FLOT2: variants seen among roughly 807,000 people sequenced by gnomAD.
The protein encoded by FLOT2 is flotillin 2.
Under a neutral mutation model 54.9 loss-of-function variants are expected in FLOT2, and 35 were observed. The observed-to-expected ratio is 0.64, with a 90% CI of 0.49 to 0.84. The LOEUF is 0.84. FLOT2 is among the 40% of genes least tolerant of loss of function. The pLI, the probability that FLOT2 is intolerant of heterozygous loss-of-function variation, is 0.00. For missense variants in FLOT2, 464 were observed against 572.1 expected (o/e 0.81, Z 1.93); for synonymous variants, 207 against 228.9 (o/e 0.90, Z 0.86).
chr17:28,888,022 G>A (rs41280138), intron 2 of FLOT2, among the ~76,000 whole-genome samples: 4 of 152,314 alleles, frequency 2.6e-5, no homozygotes, highest in South Asian at 4.1e-4. Context: ...AGCTGCTGAC[G>A]GGTGGGGGAT....
Position 28,882,862 on chromosome 17 carries a change from AGGCT to A in FLOT2, c.347-175_347-172del, listed in dbSNP as rs2039479764. 1 of 639,712 alleles carries A rather than the reference AGGCT, an allele frequency of 1.6e-6. No homozygotes were observed. Among genetic ancestry groups the A allele is most frequent in the African/African-American group, 1.8e-5 (1 of 54,780 alleles). 39.6% of individuals were successfully genotyped at this position (639,712 alleles called of 1,614,324 possible). A position where few individuals can be genotyped will look rare whatever the true frequency, so the allele number is the denominator to read the frequency against. The stretch of plus-strand genomic sequence containing the variant: ...CACCGAGCTTCCTGCTGCACAGTCC[AGGCT>A]GAATGAGGAAAAGTGTCCCAAGCAG... On this transcript the variant is annotated intron_variant, in intron 4 of 10. Transcript: ENST00000394908. This position sits in a 1 kb window ranked among gnomAD's most constrained non-coding sequence, Gnocchi z 5.6.
chr17:28,891,171 G>A (rs2039645318), intron 1 of FLOT2, among the ~76,000 whole-genome samples: 1 of 152,212 alleles, frequency 6.6e-6, no homozygotes, highest in Non-Finnish European at 1.5e-5. Flanking sequence ...ATGAGCCGCC[G>A]CGCCTGGCCG....
chr17:28,893,622 T>C (rs1371849232), intron 1 of FLOT2, among the ~76,000 whole-genome samples: 2 of 152,322 alleles, frequency 1.3e-5, no homozygotes, highest in African/African-American at 2.4e-5. Flanking sequence ...CCTCTCATAT[T>C]GTTTTATACT....
At chr17:28,886,472 G>A (rs1417166165) in intron 2 of FLOT2, among the ~76,000 whole-genome samples, 2 of 152,220 alleles carry the variant, frequency 1.3e-5, no homozygotes, top group African/African-American at 4.8e-5. Context: ...GGCCAGAAAA[G>A]CCCAAATGTT....
intron 1 of FLOT2, among the ~76,000 whole-genome samples, chr17:28,895,823 T>G (rs2152651186): frequency 6.6e-6 from 1 of 151,992 alleles, no homozygotes; most frequent in East Asian, 1.9e-4. Flanking sequence ...AGTTAGATAA[T>G]AAGAAAGGAT....
Position 28,882,145 on chromosome 17 carries a change from T to G in FLOT2, c.672A>C (p.Ser224=). 6.2e-7 allele frequency: 1 copy of G among 1,614,210 alleles called. No individual in the cohort carries two copies. Among genetic ancestry groups the G allele is most frequent in the Non-Finnish European group, 8.5e-7 (1 of 1,180,034 alleles). ...TGATGTTAACCTCCTCACTGAAGGC[T>G]GACTTTTGCAGCTCGAAGGCTCGCT... ...DSKRAFELQK[S]AFSEEVNIKT... is the part of the protein sequence containing the mutation. The change falls in exon 7 of 11, where the codon TCA becomes TCC. Residue 224 remains serine (S), a synonymous_variant. Transcript: ENST00000394908. This position sits in a 1 kb window ranked among gnomAD's most constrained non-coding sequence, Gnocchi z 5.6.
At chr17:28,893,722 C>T (rs1186279302) in intron 1 of FLOT2, among the ~76,000 whole-genome samples, 1 of 152,170 alleles carries the variant, frequency 6.6e-6, no homozygotes, top group African/African-American at 2.4e-5. Context: ...GCCTGCCTGG[C>T]CTAAACCTAG....
At chr17:28,881,136 C>A in intron 9 of FLOT2, 56 bp downstream of exon 9, 1 of 1,525,818 alleles carries the variant, frequency 6.6e-7, no homozygotes, top group East Asian at 2.4e-5. Flanking sequence ...GGCACTTGCC[C>A]AGCTTGTCAA....
chr17:28,879,502 TGCCAAGAC>T lies in FLOT2; in HGVS notation c.*1051_*1058del. ...GACCACTGGACATTCACAGCACCCC[TGCCAAGAC>T]GCTTGGGTCCTGGGCTCTTCTGCCT... is the stretch of plus-strand genomic sequence containing the variant. On this transcript the variant is annotated 3_prime_UTR_variant, in exon 11 of 11. Coordinates refer to ENST00000394908, the MANE Select transcript of FLOT2 (RefSeq NM_004475.3). 2.0e-6 allele frequency: 2 copies of T among 986,296 alleles called. No homozygotes were observed. The highest frequency in any genetic ancestry group is 2.4e-6 in the Non-Finnish European group (2 of 830,138). The allele number at this position is 986,296 out of a possible 1,614,324, so 61.1% of individuals were successfully genotyped here.
rs760683074 is a variant in FLOT2, at chr17:28,880,843, G to T, written c.1118C>A (p.Ala373Asp). Residue 373 changes from alanine (A) to aspartate (D), a missense_variant, in exon 10 of 11, where the codon GCC (alanine) becomes GAC (aspartate). By Grantham distance (126) the Ala-to-Asp change is moderately radical (BLOSUM62 -2). Transcript: ENST00000394908. The part of the protein sequence containing the change: ...ALPQIAAKIA[A>D]PLTKVDEIVV... ...AATCTCATCGACCTTGGTAAGTGGG[G>T]CAGCGATTTTGGCAGCAATCTAGGA... 1 of 1,614,108 alleles carries T rather than the reference G, an allele frequency of 6.2e-7. No individual in the cohort carries two copies. The highest frequency in any genetic ancestry group is 1.3e-5 in the African/African-American group (1 of 75,040).
chr17:28,891,160 C>T, intron 1 of FLOT2, among the ~76,000 whole-genome samples: 1 of 152,200 alleles, frequency 6.6e-6, no homozygotes, highest in Non-Finnish European at 1.5e-5. Context: ...GGATTACAGG[C>T]ATGAGCCGCC....
At chr17:28,888,381 C>G (rs1401164044) in intron 2 of FLOT2, among the ~76,000 whole-genome samples, 1 of 152,168 alleles carries the variant, frequency 6.6e-6, no homozygotes, top group Non-Finnish European at 1.5e-5. Context: ...TTTAGGAGGT[C>G]CAGACCTGTC....
rs1450945766 is a variant in FLOT2, at chr17:28,881,955, T to A, written c.773A>T (p.Glu258Val). ...TTTCTTGCGCTGCACAACCTCAATC[T>A]CAATCTCTTCCTGCCGGATCTTCTG... ...EQQKIRQEEI[E>V]IEVVQRKKQI... The change falls in exon 8 of 11, where the codon GAG (glutamate) becomes GTG (valine). Residue 258 changes from glutamate to valine, a missense_variant. Glu to Val is a moderately radical substitution (Grantham distance 121). Transcript: ENST00000394908. The A allele has an allele frequency of 6.2e-7, 1 of 1,614,062 alleles. No individual in the cohort carries two copies. Among genetic ancestry groups the A allele is most frequent in the Non-Finnish European group, 8.5e-7 (1 of 1,180,038 alleles).
chr17:28,893,527 T>G (rs956269377), intron 1 of FLOT2, among the ~76,000 whole-genome samples: 2 of 151,272 alleles, frequency 1.3e-5, no homozygotes, highest in Non-Finnish European at 2.9e-5. Context: ...TCCTCCAGCC[T>G]CAGCCTTCCA....
Position 28,897,449 on chromosome 17 carries a change from C to A in FLOT2, c.49+77G>T, listed in dbSNP as rs2039762227. The A allele has an allele frequency of 2.9e-6, 4 of 1,395,834 alleles. No homozygotes were observed. In the South Asian group the frequency reaches 3.9e-5, roughly 13 times the overall value. The allele number at this position is 1,395,834 out of a possible 1,614,324, so 86.5% of individuals were successfully genotyped here. A position where few individuals can be genotyped will look rare whatever the true frequency, so the allele number is the denominator to read the frequency against. On this transcript the variant is annotated intron_variant, in intron 1 of 10. Coordinates refer to ENST00000394908, the MANE Select transcript of FLOT2 (RefSeq NM_004475.3). The surrounding 1 kb of genome is among the most constrained non-coding windows in gnomAD (Gnocchi z 4.4). ...CCGCGCGGTGGACTCAGGCCCAGCT[C>A]TTCCCCGTGCACTCCCCAGCCCTGC...
At chr17:28,895,951 G>A (rs1287115366) in intron 1 of FLOT2, among the ~76,000 whole-genome samples, 3 of 152,068 alleles carry the variant, frequency 2.0e-5, no homozygotes, top group Non-Finnish European at 4.4e-5. Flanking sequence ...GCAGGGGTGG[G>A]GGCAGTTGCT....
intron 2 of FLOT2, among the ~76,000 whole-genome samples, chr17:28,887,340 C>T (rs1598095371): frequency 1.3e-5 from 2 of 152,222 alleles, no homozygotes; most frequent in African/African-American, 2.4e-5. Flanking sequence ...CCTGTGGAGG[C>T]GTCCCCCAAG....
Position 28,884,570 on chromosome 17 carries a change from A to C in FLOT2, c.132-255T>G, listed in dbSNP as rs372643690. ...CCCTCTGCTCAAGTCAGCTGAGGAA[A>C]AGGAAGTAGAAAGAAGTGGTTGTGG... On this transcript the variant is annotated intron_variant, in intron 2 of 10. Transcript: ENST00000394908. The surrounding 1 kb of genome is among the most constrained non-coding windows in gnomAD (Gnocchi z 5.1). Among the ~76,000 whole-genome samples, 2 of 152,146 alleles carry C rather than the reference A, an allele frequency of 1.3e-5. No homozygotes were observed. The highest frequency in any genetic ancestry group is 1.3e-4 in the Admixed American group (2 of 15,278).
In FLOT2 at chr17:28,882,762, G is replaced by A; in HGVS notation, c.347-71C>T. The stretch of plus-strand genomic sequence containing the variant: ...GCTGGGGAAGGGAGGAGGCATGCAT[G>A]TAGAGGTAGGGGTGCATGCGGGGTG... On this transcript the variant is annotated intron_variant, in intron 4 of 10. Transcript: ENST00000394908. The surrounding 1 kb of genome is among the most constrained non-coding windows in gnomAD (Gnocchi z 5.6). The A allele has an allele frequency of 9.8e-7, 1 of 1,020,062 alleles. No individual in the cohort carries two copies. Among genetic ancestry groups the A allele is most frequent in the South Asian group, 1.3e-5 (1 of 77,020 alleles). The allele number at this position is 1,020,062 out of a possible 1,614,324, so 63.2% of individuals were successfully genotyped here.
Sources: allele counts gnomAD v4.1 joint callset (sites outside exome capture counted in the v4.1 genomes callset), GRCh38; gene constraint gnomAD v4.1.1; non-coding constraint Gnocchi (gnomAD v3.1); transcripts MANE v1.5; gene names NCBI Gene and HGNC (gene_info 2026-07-23, HGNC 2026-07-21).